Variants in MMRN2 observed in about 807,000 individuals in gnomAD.
MMRN2 encodes the protein multimerin-2.
MMRN2 carries 53 observed loss-of-function variants against 68.8 expected under a neutral mutation model. The ratio of observed to expected loss-of-function variants is 0.77; its 90% CI spans 0.62 to 0.97. MMRN2 has a LOEUF of 0.97. Among genes scored for constraint, MMRN2 ranks in the 50% least tolerant of loss-of-function variants. MMRN2 has a pLI of 0.00. For synonymous variants in MMRN2, 564 were observed against 551.6 expected, an observed-to-expected ratio of 1.02 and a Z score of -0.32; for missense variants, 1,266 against 1,259.5, an observed-to-expected ratio of 1.01 and a Z score of -0.08.
intron 1 of MMRN2, among the ~76,000 whole-genome samples, chr10:86,948,427 G>C (rs1050003077): frequency 1.3e-5 from 2 of 151,928 alleles, no homozygotes; most frequent in African/African-American, 4.8e-5. Context: ...GAGAGGAAGC[G>C]TGAGCATTCA....
chr10:86,942,918 C>T lies in MMRN2; in HGVS notation c.1866G>A (p.Met622Ile), dbSNP rs745654101. Reference protein sequence around the residue: ...ALFGEEVLEEMSEQTPGPLPL... With the variant: ...ALFGEEVLEEISEQTPGPLPL... ...GCAGCGGTCCCGGCGTCTGCTCAGA[C>T]ATCTCCTCCAGCACCTCCTCCCCGA... Residue 622 changes from methionine (M) to isoleucine (I), a missense_variant, in exon 6 of 7, where the codon ATG (methionine) becomes ATA (isoleucine). Transcript: ENST00000372027. 1.3e-6 allele frequency: 2 copies of T among 1,493,314 alleles called. No homozygotes were observed. Among genetic ancestry groups the T allele is most frequent in the East Asian group, 2.8e-5 (1 of 35,970 alleles). 92.5% of individuals were successfully genotyped at this position (1,493,314 alleles called of 1,614,324 possible).
At chr10:86,956,057 G>A (rs981611721) in intron 1 of MMRN2, among the ~76,000 whole-genome samples, 1 of 152,042 alleles carries the variant, frequency 6.6e-6, no homozygotes, top group Non-Finnish European at 1.5e-5. Flanking sequence ...TTCATCAAAA[G>A]GCGGAAGGTG....
intron 1 of MMRN2, among the ~76,000 whole-genome samples, chr10:86,948,410 G>A (rs533395032): frequency 6.6e-6 from 1 of 151,986 alleles, no homozygotes; most frequent in Non-Finnish European, 1.5e-5. Flanking sequence ...AAATGAGGGG[G>A]AGATGGGAGA....
intron 1 of MMRN2, 169 bp from the exon 2 acceptor site, chr10:86,945,858 A>T: frequency 6.9e-7 from 1 of 1,439,132 alleles, no homozygotes; most frequent in Non-Finnish European, 9.1e-7. Flanking sequence ...CTCCAGAGCA[A>T]ATGTTTCACA....
intron 1 of MMRN2, among the ~76,000 whole-genome samples, chr10:86,948,297 T>C (rs919702649): frequency 7.4e-5 from 11 of 148,702 alleles, no homozygotes; most frequent in African/African-American, 2.5e-4. Context: ...ACTAAGACTG[T>C]GTAAGGAGAA....
rs1844030650 is a variant in MMRN2, at chr10:86,944,141, TGTG to T, written c.656-16_656-14del. Reference sequence around the variant, plus strand: ...CTATCAGGGAACTCTGCAACAGACATGTGGTGTGACACAAGCCCTGCAGGAGCA... The same window carrying T: ...CTATCAGGGAACTCTGCAACAGACATGTGTGACACAAGCCCTGCAGGAGCA... On this transcript the variant is annotated splice_polypyrimidine_tract_variant and intron_variant, in intron 5 of 6. Transcript: ENST00000372027. 1 of 1,610,240 alleles carries T rather than the reference TGTG, an allele frequency of 6.2e-7. No individual in the cohort carries two copies. Among genetic ancestry groups the T allele is most frequent in the African/African-American group, 1.3e-5 (1 of 74,814 alleles).
rs758019540 is a variant in MMRN2 at position 86,943,686 on chromosome 10, C to T, written c.1098G>A (p.Pro366=). 72 of 1,610,764 alleles carry T rather than the reference C, an allele frequency of 4.5e-5. 3 individuals are homozygous for T. The South Asian group carries it at 6.9e-4, about 15-fold the overall frequency. Residue 366 remains proline (P), a synonymous_variant, in exon 6 of 7, where the codon CCG becomes CCA. Coordinates refer to ENST00000372027, the MANE Select transcript of MMRN2 (RefSeq NM_024756.3). The surrounding 1 kb of genome is among the most constrained non-coding windows in gnomAD (Gnocchi z 4.2). The part of the protein sequence containing the change: ...ATPGAGARPE[P]DSLQARLGQL... The stretch of plus-strand genomic sequence containing the variant: ...GGCCCAGCCTGGCCTGCAGGCTGTC[C>T]GGCTCAGGCCTTGCCCCAGCCCCAG...
Position 86,945,276 on chromosome 10 carries a change from A to G in MMRN2, c.401-8T>C, listed in dbSNP as rs190728303. The G allele has an allele frequency of 2.8e-5, 45 of 1,613,652 alleles. No individual in the cohort carries two copies. The East Asian group carries it at 9.6e-4, about 34-fold the overall frequency. On this transcript the variant is annotated splice_polypyrimidine_tract_variant and splice_region_variant and intron_variant, in intron 3 of 6. Transcript: ENST00000372027. ...CAGGGATTGCCATGGAATCTGCAGA[A>G]GAAAGCATTAGTTATTGACCCCAGT... is the stretch of plus-strand genomic sequence containing the variant.
At chr10:86,955,294 C>G (rs56725918) in intron 1 of MMRN2, among the ~76,000 whole-genome samples, 1,633 of 152,324 alleles carry the variant, frequency 0.011, 32 homozygotes, top group African/African-American at 0.037. Context: ...CAAGCCAGGG[C>G]ACAGAAACAG....
In MMRN2 at chr10:86,943,382, G is replaced by A. The variant is rs1484789946; in HGVS notation, c.1402C>T (p.Leu468Phe). 6.2e-7 allele frequency: 1 copy of A among 1,613,722 alleles called. No homozygotes were observed. The highest frequency in any genetic ancestry group is 8.5e-7 in the Non-Finnish European group (1 of 1,180,010). ...TGCAGCGTGAGGTTGAGCTCCAGGAGCTGCCGCTCCACCTCCTCCTTGTTC... is the reference window on the plus strand; with the variant it reads ...TGCAGCGTGAGGTTGAGCTCCAGGAACTGCCGCTCCACCTCCTCCTTGTTC... ...EENKEEVERQ[L>F]LELNLTLQHL... Residue 468 changes from leucine to phenylalanine, a missense_variant, in exon 6 of 7, where the codon CTC becomes TTC. Transcript: ENST00000372027. This position sits in a 1 kb window ranked among gnomAD's most constrained non-coding sequence, Gnocchi z 4.2.
At chr10:86,957,251 C>T in intron 1 of MMRN2, 127 bp downstream of exon 1, 2 of 984,828 alleles carry the variant, frequency 2.0e-6, no homozygotes, top group Non-Finnish European at 3.1e-6. Flanking sequence ...CACAGATGGC[C>T]CAGAGATAGA....
rs1843993915 is a variant in MMRN2 at position 86,942,753 on chromosome 10, G to C, written c.2031C>G (p.His677Gln). ...GGCCCGCGTCGTGGCTGGGCTCCAG[G>C]TGCTCTGCCGGCCGCGGGGGCTCCG... ...QASEPPRPAE[H>Q]LEPSHDAGRE... Residue 677 changes from histidine to glutamine, a missense_variant, in exon 6 of 7, where the codon CAC becomes CAG. Coordinates refer to ENST00000372027, the MANE Select transcript of MMRN2 (RefSeq NM_024756.3). 2 of 1,385,720 alleles carry C rather than the reference G, an allele frequency of 1.4e-6. No homozygotes were observed. Among genetic ancestry groups the C allele is most frequent in the Non-Finnish European group, 1.9e-6 (2 of 1,077,192 alleles). The allele number at this position is 1,385,720 out of a possible 1,614,324, so 85.8% of individuals were successfully genotyped here. A position where few individuals can be genotyped will look rare whatever the true frequency, so the allele number is the denominator to read the frequency against.
intron 6 of MMRN2, 56 bp downstream of exon 6, chr10:86,942,261 C>G: frequency 2.0e-6 from 3 of 1,526,658 alleles, no homozygotes; most frequent in African/African-American, 2.8e-5. Flanking sequence ...GAAGAGCTGC[C>G]GGCAGCCGGC....
At position 86,937,005 on chromosome 10, in the gene MMRN2, C is replaced by T. The variant is rs751487507; in HGVS notation, c.2588G>A (p.Arg863Gln). 16 of 1,614,080 alleles carry T rather than the reference C, an allele frequency of 9.9e-6. No individual in the cohort carries two copies. The highest frequency in any genetic ancestry group is 4.0e-5 in the African/African-American group (3 of 74,936). ...SSYFPEHGYF[R>Q]APERGVYLFA... is the part of the protein sequence containing the mutation. The stretch of plus-strand genomic sequence containing the variant: ...CAGGTAGACACCACGCTCAGGGGCT[C>T]GGAAGTAGCCATGTTCAGGGAAGTA... The change falls in exon 7 of 7, where the codon CGA (arginine) becomes CAA (glutamine). Residue 863 changes from arginine to glutamine, a missense_variant. By Grantham distance (43) the Arg-to-Gln change is conservative (BLOSUM62 1). Transcript: ENST00000372027.
chr10:86,944,994 T>TG (rs1209817897), intron 4 of MMRN2, among the ~76,000 whole-genome samples, 194 bp downstream of exon 4: 3 of 152,238 alleles, frequency 2.0e-5, no homozygotes, highest in African/African-American at 7.2e-5. Context: ...TGTGTGTGCT[T>TG]GGCCAGTAGG....
chr10:86,940,922 T>C (rs1206137044), intron 6 of MMRN2, among the ~76,000 whole-genome samples: 1 of 152,206 alleles, frequency 6.6e-6, no homozygotes, highest in African/African-American at 2.4e-5. Context: ...TGGTTGCACA[T>C]GCCTTCAGCC....
chr10:86,937,673 C>T (rs764141867), intron 6 of MMRN2, among the ~76,000 whole-genome samples: 9 of 152,136 alleles, frequency 5.9e-5, no homozygotes, highest in Non-Finnish European at 1.2e-4. Flanking sequence ...AATCCTTCAC[C>T]GGCTGCCCAA....
Position 86,954,083 on chromosome 10 carries a change from T to G in MMRN2, c.164+3295A>C, listed in dbSNP as rs527928735. ...GCTCTTGGCAGCTTCTGGCTGGCCC[T>G]TGATGCCCATGCCCCCGGCCCAACT... On this transcript the variant is annotated intron_variant, in intron 1 of 6. Transcript: ENST00000372027. The G allele has an allele frequency of 1.1e-4, 17 of 153,368 alleles. No homozygotes were observed. In the East Asian group the frequency reaches 3.1e-3, roughly 28 times the overall value. 9.5% of individuals were successfully genotyped at this position (153,368 alleles called of 1,614,324 possible).
In MMRN2 at chr10:86,943,671, G is replaced by C; in HGVS notation, c.1113C>G (p.Ala371=). 2 of 1,611,868 alleles carry C rather than the reference G, an allele frequency of 1.2e-6. No individual in the cohort carries two copies. The highest frequency in any genetic ancestry group is 1.7e-6 in the Non-Finnish European group (2 of 1,180,016). ...GARPEPDSLQ[A]RLGQLQRNLS... ...GGTTCCTCTGCAGCTGGCCCAGCCT[G>C]GCCTGCAGGCTGTCCGGCTCAGGCC... The change falls in exon 6 of 7, where the codon GCC becomes GCG. Residue 371 remains alanine (A), a synonymous_variant. Coordinates refer to ENST00000372027, the MANE Select transcript of MMRN2 (RefSeq NM_024756.3). This position sits in a 1 kb window ranked among gnomAD's most constrained non-coding sequence, Gnocchi z 4.2.
Sources: allele counts gnomAD v4.1 joint callset (sites outside exome capture counted in the v4.1 genomes callset), GRCh38; gene constraint gnomAD v4.1.1; non-coding constraint Gnocchi (gnomAD v3.1); transcripts MANE v1.5; gene names NCBI Gene and HGNC (gene_info 2026-07-23, HGNC 2026-07-21).